The following AGBL4 variants were observed in gnomAD, a reference collection of about 807,000 sequenced individuals.
AGBL4 encodes AGBL carboxypeptidase 4.
Under a neutral mutation model 66.4 loss-of-function variants are expected in AGBL4, and 58 were observed. The ratio of observed to expected loss-of-function variants is 0.87; its 90% CI spans 0.71 to 1.09. The LOEUF is 1.09. AGBL4 is among the 50% of genes least tolerant of loss of function. The pLI is 0.00. For synonymous variants in AGBL4, 234 were observed against 222.9 expected, an observed-to-expected ratio of 1.05 and a Z score of -0.44; for missense variants, 579 against 631.0, an observed-to-expected ratio of 0.92 and a Z score of 0.88.
intron 3 of AGBL4, among the ~76,000 whole-genome samples, chr1:49,263,779 C>G (rs1418775572): frequency 2.0e-5 from 3 of 152,152 alleles, no homozygotes; most frequent in Non-Finnish European, 2.9e-5. Context: ...AATTCCACTT[C>G]TATGTGTTCT....
chr1:49,786,678 T>G (rs886559925), intron 2 of AGBL4, among the ~76,000 whole-genome samples: 1 of 152,148 alleles, frequency 6.6e-6, no homozygotes, highest in Non-Finnish European at 1.5e-5. Context: ...GAAACATTTG[T>G]CATCTATAAA....
At chr1:49,451,885 T>A (rs772455008) in intron 3 of AGBL4, among the ~76,000 whole-genome samples, 1 of 151,980 alleles carries the variant, frequency 6.6e-6, no homozygotes, top group Admixed American at 6.6e-5. Flanking sequence ...AGAAAAAAAA[T>A]AGAACTACAT....
intron 11 of AGBL4, 135 bp downstream of exon 11, chr1:48,586,866 CAGA>C (rs1237152946): frequency 1.8e-6 from 2 of 1,121,686 alleles, no homozygotes; most frequent in Non-Finnish European, 2.6e-6. Context: ...AAGACGCCAC[CAGA>C]AGAAGAAGCA....
At position 49,530,259 on chromosome 1, in the gene AGBL4, T is replaced by TAAAA. The variant is rs543885264; in HGVS notation, c.282+167050_282+167053dup. 1.2e-3 allele frequency among the ~76,000 whole-genome samples: 94 copies of TAAAA among 75,956 alleles called. 14 individuals carry two copies. The highest frequency in any genetic ancestry group is 1.8e-3 in the South Asian group (4 of 2,224). 49.8% of individuals were successfully genotyped at this position (75,956 alleles called of 152,430 possible). On this transcript the variant is annotated intron_variant, in intron 3 of 13. Coordinates refer to ENST00000371839, the MANE Select transcript of AGBL4 (RefSeq NM_032785.4). ...CAGCTATGTTTTCAAGTAGAATTTG[T>TAAAA]AAAAAAAAAAAAACAAAAAAAAACT...
intron 3 of AGBL4, among the ~76,000 whole-genome samples, chr1:49,519,625 T>C (rs1249979539): frequency 6.6e-6 from 1 of 152,052 alleles, no homozygotes; most frequent in Admixed American, 6.6e-5. Flanking sequence ...TTTTTATACC[T>C]TAGGATTCAC....
At chr1:49,153,017 A>AG (rs1481640908) in intron 4 of AGBL4, among the ~76,000 whole-genome samples, 1 of 152,092 alleles carries the variant, frequency 6.6e-6, no homozygotes, top group Non-Finnish European at 1.5e-5. Context: ...GAAACATGGA[A>AG]GGGGAGAGGT....
chr1:49,426,677 C>A (rs886409273), intron 3 of AGBL4, among the ~76,000 whole-genome samples: 2 of 152,130 alleles, frequency 1.3e-5, no homozygotes, highest in African/African-American at 4.8e-5. Context: ...TTCATTTGAC[C>A]TTCACAAGAA....
chr1:49,604,512 T>C (rs1169419124), intron 3 of AGBL4, among the ~76,000 whole-genome samples: 2 of 152,202 alleles, frequency 1.3e-5, no homozygotes, highest in African/African-American at 2.4e-5. Context: ...TTTTCTCCCA[T>C]TATGTAGGTC....
At chr1:49,699,834 T>TATAGTTA (rs1360460486) in intron 2 of AGBL4, among the ~76,000 whole-genome samples, 1 of 151,950 alleles carries the variant, frequency 6.6e-6, no homozygotes, top group African/African-American at 2.4e-5. Context: ...GCATGAGGAT[T>TATAGTTA]ATAGTTAATA....
chr1:48,721,215 T>C (rs1570349692), intron 6 of AGBL4, among the ~76,000 whole-genome samples: 1 of 151,978 alleles, frequency 6.6e-6, no homozygotes, highest in South Asian at 2.1e-4. Context: ...GGGAGTAGGG[T>C]AAGGTTTATG....
intron 8 of AGBL4, among the ~76,000 whole-genome samples, chr1:48,638,328 T>A (rs1257728332): frequency 1.3e-5 from 2 of 152,260 alleles, no homozygotes. Flanking sequence ...CTGGCTGTGT[T>A]CCTCACCAGC....
chr1:49,610,005 A>G (rs1200587536), intron 3 of AGBL4, among the ~76,000 whole-genome samples: 2 of 152,162 alleles, frequency 1.3e-5, no homozygotes, highest in Non-Finnish European at 2.9e-5. Flanking sequence ...TTAAAAGGCA[A>G]GGCATTTAGA....
intron 6 of AGBL4, among the ~76,000 whole-genome samples, chr1:48,709,697 G>C (rs1646935297): frequency 6.6e-6 from 1 of 151,754 alleles, no homozygotes; most frequent in South Asian, 2.1e-4. Flanking sequence ...TGCCTTCCAG[G>C]TTCACGCCAT....
chr1:50,000,417 A>G (rs1401810486), intron 1 of AGBL4, among the ~76,000 whole-genome samples: 4 of 152,224 alleles, frequency 2.6e-5, no homozygotes, highest in African/African-American at 9.6e-5. Flanking sequence ...AAATCAAAAA[A>G]TAATAAGATG....
At chr1:49,842,923 T>TA (rs1646037371) in intron 2 of AGBL4, among the ~76,000 whole-genome samples, 1 of 151,942 alleles carries the variant, frequency 6.6e-6, no homozygotes, top group African/African-American at 2.4e-5. Context: ...CTCAGTGGCT[T>TA]AAACCAAATA....
At chr1:49,289,786 T>C (rs1353299998) in intron 3 of AGBL4, among the ~76,000 whole-genome samples, 1 of 152,096 alleles carries the variant, frequency 6.6e-6, no homozygotes, top group Non-Finnish European at 1.5e-5. Flanking sequence ...ATAAATGATC[T>C]AAGCTCATCT....
At chr1:48,811,694 T>C in intron 6 of AGBL4, among the ~76,000 whole-genome samples, 1 of 21,764 alleles carries the variant, frequency 4.6e-5, no homozygotes, top group Admixed American at 9.1e-4. Context: ...TTGATTCTAC[T>C]CTGTCTTGCC....
At position 49,904,809 on chromosome 1, in the gene AGBL4, T is replaced by C. The variant is rs553678721; in HGVS notation, c.35-53291A>G. On this transcript the variant is annotated intron_variant, in intron 1 of 13. Transcript: ENST00000371839. ...TACCAAGTGAGCTGCTAGAGGCTAT[T>C]CTCATGCCACATTAGGCAGAAGACA... 5.3e-5 allele frequency among the ~76,000 whole-genome samples: 8 copies of C among 152,326 alleles called. No individual in the cohort carries two copies. The East Asian group carries it at 1.5e-3, about 29-fold the overall frequency.
chr1:48,929,644 G>A (rs1019565917), intron 5 of AGBL4, among the ~76,000 whole-genome samples: 2 of 151,986 alleles, frequency 1.3e-5, no homozygotes, highest in African/African-American at 4.8e-5. Flanking sequence ...GTGTTTCCTC[G>A]TCACTGTATT....
Sources: allele counts gnomAD v4.1 joint callset (sites outside exome capture counted in the v4.1 genomes callset), GRCh38; gene constraint gnomAD v4.1.1; transcripts MANE v1.5; gene names NCBI Gene and HGNC (gene_info 2026-07-23, HGNC 2026-07-21).